The following C17orf67 variants were observed in gnomAD, a reference collection of about 807,000 sequenced individuals.
C17orf67 encodes chromosome 17 open reading frame 67.
In C17orf67, 12 loss-of-function variants were observed where a neutral mutation model predicts 11.2. That is an observed-to-expected ratio of 1.07 (90% CI 0.68 to 1.73). C17orf67 has a LOEUF of 1.73. Ranked by LOEUF, C17orf67 falls within the 40% of genes most tolerant of loss-of-function variation. The pLI is 0.00. For missense variants in C17orf67, 115 were observed against 113.5 expected, an observed-to-expected ratio of 1.01 and a Z score of -0.06; for synonymous variants, 59 against 46.9, an observed-to-expected ratio of 1.26 and a Z score of -1.05.
At chr17:56,822,833 C>A (rs1377192875) in intron 4 of C17orf67, among the ~76,000 whole-genome samples, 1 of 152,248 alleles carries the variant, frequency 6.6e-6, no homozygotes, top group Non-Finnish European at 1.5e-5. Context: ...CAGGCATACA[C>A]CCCTTCCTGT....
In C17orf67 at chr17:56,833,076, C is replaced by T. The variant is rs1234924995; in HGVS notation, c.-735G>A. 1 of 152,234 alleles carries T rather than the reference C, an allele frequency of 6.6e-6. No homozygotes were observed. The highest frequency in any genetic ancestry group is 2.4e-5 in the African/African-American group (1 of 41,434). 9.4% of individuals were successfully genotyped at this position (152,234 alleles called of 1,614,324 possible). ...TCCATCTTTTATGCTAGAGGAAGTC[C>T]GCAAGCAACAAGTGGTCCTCGGCTC... On this transcript the variant is annotated 5_prime_UTR_variant, in exon 2 of 8. Transcript: ENST00000397861.
rs922304093 is a variant in C17orf67, at chr17:56,807,903, T to TAAATAATAAATA, written c.156+6965_156+6966insTATTTATTATTT. ...AGACCCTGTCTCAAAAATAAATAAATAATAAATAAATAAATAAATAAATAA... is the reference window on the plus strand; with the variant it reads ...AGACCCTGTCTCAAAAATAAATAAATAAATAATAAATAAATAAATAAATAAATAAATAAATAA... On this transcript the variant is annotated intron_variant, in intron 6 of 7. Transcript: ENST00000397861. Among the ~76,000 whole-genome samples the TAAATAATAAATA allele has an allele frequency of 5.9e-3, 849 of 144,490 alleles. 7 individuals carry two copies. The highest frequency in any genetic ancestry group is 0.019 in the East Asian group (95 of 4,944). The allele number at this position is 144,490 out of a possible 152,430, so 94.8% of individuals were successfully genotyped here.
chr17:56,821,480 G>C (rs1052990696), intron 4 of C17orf67, among the ~76,000 whole-genome samples: 1 of 152,090 alleles, frequency 6.6e-6, no homozygotes, highest in Non-Finnish European at 1.5e-5. Flanking sequence ...TGGTGCTTAT[G>C]GGTCTAGATC....
At chr17:56,814,431 C>G (rs917541953) in intron 6 of C17orf67, among the ~76,000 whole-genome samples, 1 of 152,256 alleles carries the variant, frequency 6.6e-6, no homozygotes, top group East Asian at 1.9e-4. Context: ...GGGATGAGAT[C>G]AGAGCAGAAC....
intron 4 of C17orf67, among the ~76,000 whole-genome samples, chr17:56,822,754 T>A (rs1252981840): frequency 6.6e-6 from 1 of 152,260 alleles, no homozygotes; most frequent in Non-Finnish European, 1.5e-5. Context: ...TCATTTCTAA[T>A]GTGAGTTGAC....
intron 6 of C17orf67, among the ~76,000 whole-genome samples, chr17:56,803,370 A>G (rs1272646532): frequency 6.6e-6 from 1 of 152,254 alleles, no homozygotes; most frequent in Non-Finnish European, 1.5e-5. Flanking sequence ...CAACTTCCCA[A>G]TACTTAAAGA....
chr17:56,820,544 G>A (rs1365335868), intron 4 of C17orf67, among the ~76,000 whole-genome samples: 1 of 152,076 alleles, frequency 6.6e-6, no homozygotes, highest in Non-Finnish European at 1.5e-5. Context: ...GAAAACCCAC[G>A]CAGACATGGA....
At position 56,795,280 on chromosome 17, in the gene C17orf67, G is replaced by A. The variant is rs1304743868; in HGVS notation, c.157-100C>T. ...CTGGCTCCCTAGACAGGGCAGGATG[G>A]GAGGACAGGCAGGGAGAAGAAATCA... On this transcript the variant is annotated intron_variant, in intron 6 of 7. Transcript: ENST00000397861. 3 of 1,034,346 alleles carry A rather than the reference G, an allele frequency of 2.9e-6. No individual in the cohort carries two copies. The Admixed American group carries it at 5.3e-5, about 18-fold the overall frequency. The allele number at this position is 1,034,346 out of a possible 1,614,324, so 64.1% of individuals were successfully genotyped here. A position where few individuals can be genotyped will look rare whatever the true frequency, so the allele number is the denominator to read the frequency against.
chr17:56,798,059 C>T (rs1905245605), intron 6 of C17orf67, among the ~76,000 whole-genome samples: 2 of 152,150 alleles, frequency 1.3e-5, no homozygotes, highest in Admixed American at 1.3e-4. Flanking sequence ...GGTGGTTCAT[C>T]ATATCTCTCT....
intron 6 of C17orf67, among the ~76,000 whole-genome samples, chr17:56,799,842 C>T (rs1023168587): frequency 1.1e-4 from 17 of 152,122 alleles, no homozygotes; most frequent in African/African-American, 4.1e-4. Flanking sequence ...CACATGCTTA[C>T]TTGCCATCTG....
intron 7 of C17orf67, 81 bp downstream of exon 7, chr17:56,794,963 T>G: frequency 5.3e-6 from 5 of 940,676 alleles, no homozygotes; most frequent in Non-Finnish European, 4.9e-6. Context: ...TGAGGCATGG[T>G]CTGGAAAGTC....
chr17:56,798,206 A>T (rs1209447746), intron 6 of C17orf67, among the ~76,000 whole-genome samples: 1 of 152,194 alleles, frequency 6.6e-6, no homozygotes, highest in Non-Finnish European at 1.5e-5. Context: ...TGCCCAGCTT[A>T]GGCCCCAGCC....
intron 6 of C17orf67, among the ~76,000 whole-genome samples, chr17:56,800,089 G>A (rs372029897): frequency 1.9e-4 from 23 of 123,428 alleles, no homozygotes; most frequent in African/African-American, 2.8e-4. Flanking sequence ...TTTTTGAGAC[G>A]GAGTCTCGCT....
intron 4 of C17orf67, among the ~76,000 whole-genome samples, chr17:56,821,516 C>G (rs1444340291): frequency 1.3e-5 from 2 of 152,202 alleles, no homozygotes; most frequent in Admixed American, 6.5e-5. Flanking sequence ...TCACCACCCA[C>G]ATCTAGGCCA....
intron 6 of C17orf67, among the ~76,000 whole-genome samples, chr17:56,800,058 A>ATTTTTTT (rs772880968): frequency 1.6e-4 from 15 of 96,276 alleles, no homozygotes; most frequent in Middle Eastern, 8.6e-3. Flanking sequence ...TTGCAAACTA[A>ATTTTTTT]TTTTTTTTTT....
chr17:56,827,466 G>C (rs1906068759), intron 2 of C17orf67, among the ~76,000 whole-genome samples: 1 of 152,192 alleles, frequency 6.6e-6, no homozygotes, highest in Non-Finnish European at 1.5e-5. Context: ...CCCTGAGAAA[G>C]GAAATCAGAA....
At chr17:56,797,419 T>C (rs1386799774) in intron 6 of C17orf67, among the ~76,000 whole-genome samples, 2 of 151,984 alleles carry the variant, frequency 1.3e-5, no homozygotes, top group African/African-American at 4.8e-5. Context: ...ATCCTCTCCC[T>C]CCTCTTCCCC....
chr17:56,814,428 G>A (rs988970371), intron 6 of C17orf67, among the ~76,000 whole-genome samples: 2 of 152,180 alleles, frequency 1.3e-5, no homozygotes, highest in Non-Finnish European at 2.9e-5. Flanking sequence ...AGAGGGATGA[G>A]ATCAGAGCAG....
intron 6 of C17orf67, among the ~76,000 whole-genome samples, chr17:56,795,726 C>A (rs1228380606): frequency 1.3e-5 from 2 of 152,146 alleles, no homozygotes; most frequent in African/African-American, 4.8e-5. Context: ...ATAAATTTGT[C>A]ATAGCAAAAC....
Sources: gnomAD v4.1 joint callset for allele counts (sites outside exome capture counted in the v4.1 genomes callset) on GRCh38, gnomAD v4.1.1 for gene constraint, MANE v1.5 for transcripts, NCBI Gene and HGNC (gene_info 2026-07-23, HGNC 2026-07-21) for gene names.